GRID1: variants seen among roughly 807,000 people sequenced by gnomAD.
The protein encoded by GRID1 is glutamate receptor ionotropic, delta-1.
GRID1 carries 28 observed loss-of-function variants against 98.0 expected under a neutral mutation model. The ratio of observed to expected loss-of-function variants is 0.29; its 90% confidence interval spans 0.21 to 0.39. GRID1 has a LOEUF of 0.39. Among genes scored for constraint, GRID1 ranks in the 10% least tolerant of loss-of-function variants. GRID1 has a pLI of 1.00. For missense variants in GRID1, 1,111 were observed against 1,340.5 expected (o/e 0.83, Z 2.67); for synonymous variants, 553 against 538.5 (o/e 1.03, Z -0.37).
At chr10:85,862,439 A>G (rs1301345917) in intron 6 of GRID1, among the ~76,000 whole-genome samples, 1 of 152,192 alleles carries the variant, frequency 6.6e-6, no homozygotes, top group African/African-American at 2.4e-5. Context: ...CTCTGTGTGA[A>G]TAAATGTAGA....
At chr10:86,032,634 C>G (rs1035269056) in intron 4 of GRID1, among the ~76,000 whole-genome samples, 4 of 152,032 alleles carry the variant, frequency 2.6e-5, no homozygotes, top group Non-Finnish European at 4.4e-5. Context: ...CAGCATGCTC[C>G]TTAAGAGTCA....
intron 4 of GRID1, among the ~76,000 whole-genome samples, chr10:86,117,581 CCAT>C (rs1415684892): frequency 4.6e-5 from 7 of 151,612 alleles, no homozygotes; most frequent in East Asian, 1.9e-4. Context: ...ACTATCACCA[CCAT>C]CATCAACATC....
intron 2 of GRID1, among the ~76,000 whole-genome samples, chr10:86,220,548 T>G (rs1285100599): frequency 1.3e-5 from 2 of 152,038 alleles, no homozygotes; most frequent in Non-Finnish European, 1.5e-5. Context: ...AGGTTCAAAC[T>G]CAAAACCAAG....
intron 3 of GRID1, among the ~76,000 whole-genome samples, chr10:86,173,732 C>G (rs543375306): frequency 7.9e-6 from 1 of 126,316 alleles, no homozygotes. Flanking sequence ...CCCCTCCCCC[C>G]ACCCCACCAC....
chr10:86,211,125 G>A (rs1846101669), intron 2 of GRID1, among the ~76,000 whole-genome samples: 1 of 152,214 alleles, frequency 6.6e-6, no homozygotes, highest in African/African-American at 2.4e-5. Flanking sequence ...TGCTCCATGT[G>A]TGCCATGAAA....
At position 85,793,132 on chromosome 10, in the gene GRID1, A is replaced by G. The variant is rs112061823; in HGVS notation, c.1233+61364T>C. Reference sequence around the variant, plus strand: ...TGGGCTTTGAAGCCTTTCCACGTCCAATTTCCATCTTCCTCTCCCAAAGGG... The same window carrying G: ...TGGGCTTTGAAGCCTTTCCACGTCCGATTTCCATCTTCCTCTCCCAAAGGG... On this transcript the variant is annotated intron_variant, in intron 8 of 15. Transcript: ENST00000327946. Among the ~76,000 whole-genome samples the G allele has an allele frequency of 4.5e-3, 683 of 152,124 alleles. 2 individuals carry two copies. Among genetic ancestry groups the G allele is most frequent in the African/African-American group, 0.015 (634 of 41,506 alleles).
intron 4 of GRID1, among the ~76,000 whole-genome samples, chr10:86,135,300 A>C (rs1844906523): frequency 6.6e-6 from 1 of 152,216 alleles, no homozygotes. Flanking sequence ...GTATGATTGG[A>C]AAGAGCCACC....
intron 2 of GRID1, among the ~76,000 whole-genome samples, chr10:86,286,126 GTAGGTA>G (rs1847427668): frequency 6.6e-6 from 1 of 152,284 alleles, no homozygotes; most frequent in East Asian, 1.9e-4. Context: ...GAGGTAGCCT[GTAGGTA>G]TAGGTATAGG....
intron 6 of GRID1, among the ~76,000 whole-genome samples, chr10:85,865,938 T>TATAC (rs1843213736): frequency 1.9e-5 from 2 of 102,958 alleles, no homozygotes; most frequent in Non-Finnish European, 3.7e-5. Flanking sequence ...TATATATATA[T>TATAC]ATATACACAT....
intron 4 of GRID1, among the ~76,000 whole-genome samples, chr10:85,997,182 A>T (rs2131872174): frequency 6.6e-6 from 1 of 152,184 alleles, no homozygotes; most frequent in East Asian, 1.9e-4. Flanking sequence ...AGGGTTGATC[A>T]CAAAGTCAGG....
At chr10:86,289,411 C>T (rs1346883776) in intron 2 of GRID1, among the ~76,000 whole-genome samples, 1 of 151,950 alleles carries the variant, frequency 6.6e-6, no homozygotes, top group African/African-American at 2.4e-5. Context: ...CCCTCGGCTG[C>T]CCTTGGTGAT....
At chr10:85,773,401 T>C (rs1032461011) in intron 8 of GRID1, among the ~76,000 whole-genome samples, 6 of 152,240 alleles carry the variant, frequency 3.9e-5, no homozygotes, top group Admixed American at 6.5e-5. Flanking sequence ...GCATTCCCTT[T>C]GAAAACTGGC....
chr10:85,941,944 A>G (rs2131838799), intron 4 of GRID1, among the ~76,000 whole-genome samples: 1 of 152,286 alleles, frequency 6.6e-6, no homozygotes, highest in South Asian at 2.1e-4. Context: ...TTGCATCTTC[A>G]TCCTAGGGAG....
chr10:86,069,771 C>G (rs1242926052), intron 4 of GRID1, among the ~76,000 whole-genome samples: 1 of 152,210 alleles, frequency 6.6e-6, no homozygotes. Context: ...AGTTACAAGG[C>G]AAGCTAGTCC....
chr10:85,828,127 G>A (rs1044739477), intron 8 of GRID1, among the ~76,000 whole-genome samples: 1 of 151,880 alleles, frequency 6.6e-6, no homozygotes. Flanking sequence ...TCAATACTAA[G>A]AAAATCATTC....
chr10:86,168,535 C>T (rs887740758), intron 3 of GRID1, among the ~76,000 whole-genome samples: 2 of 152,186 alleles, frequency 1.3e-5, no homozygotes, highest in Non-Finnish European at 2.9e-5. Context: ...CACACAACAC[C>T]TGTGGATGCA....
intron 12 of GRID1, among the ~76,000 whole-genome samples, chr10:85,654,428 A>G (rs1220275309): frequency 6.6e-6 from 1 of 152,214 alleles, no homozygotes; most frequent in African/African-American, 2.4e-5. Flanking sequence ...ATTTTTGTAA[A>G]ATTTGCATTT....
In GRID1 at chr10:86,233,924, G is replaced by T. The variant is rs1256922217; in HGVS notation, c.236-27276C>A. ...TGGGAGACACAGGCAGGAAATGAGA[G>T]GGTGGAGAGGGGGTGGGGGTGGGGA... On this transcript the variant is annotated intron_variant, in intron 2 of 15. Coordinates refer to ENST00000327946, the MANE Select transcript of GRID1 (RefSeq NM_017551.3). Among the ~76,000 whole-genome samples the T allele has an allele frequency of 5.3e-5, 8 of 150,682 alleles. No individual in the cohort carries two copies. In the East Asian group the frequency reaches 1.2e-3, roughly 22 times the overall value.
chr10:86,272,086 T>C (rs923266894), intron 2 of GRID1, among the ~76,000 whole-genome samples: 1 of 151,974 alleles, frequency 6.6e-6, no homozygotes, highest in Admixed American at 6.6e-5. Context: ...AAATTTCTTA[T>C]CAGAAACAAT....
Sources: gnomAD v4.1 joint callset for allele counts (sites outside exome capture counted in the v4.1 genomes callset) on GRCh38, gnomAD v4.1.1 for gene constraint, MANE v1.5 for transcripts, NCBI Gene and HGNC (gene_info 2026-07-23, HGNC 2026-07-21) for gene names.